Variants in SYT9 observed in about 807,000 individuals in gnomAD.
SYT9 encodes synaptotagmin-9.
SYT9 carries 22 observed loss-of-function variants against 48.4 expected under a neutral mutation model. The ratio of observed to expected loss-of-function variants is 0.45; its 90% CI spans 0.32 to 0.65. The LOEUF (loss-of-function observed/expected upper bound fraction) is 0.65. SYT9 is among the 30% of genes least tolerant of loss of function. The pLI is 0.03. For missense variants in SYT9, 577 were observed against 622.0 expected (o/e 0.93, Z 0.77); for synonymous variants, 265 against 245.0 (o/e 1.08, Z -0.76).
At chr11:7,464,024 G>T (rs1300979255) in intron 6 of SYT9, among the ~76,000 whole-genome samples, 1 of 152,174 alleles carries the variant, frequency 6.6e-6, no homozygotes, top group Non-Finnish European at 1.5e-5. Context: ...GCAGGCTTTA[G>T]ACAGGCCATA....
intron 1 of SYT9, among the ~76,000 whole-genome samples, chr11:7,257,546 C>A (rs1433745180): frequency 6.6e-6 from 1 of 151,984 alleles, no homozygotes; most frequent in African/African-American, 2.4e-5. Context: ...TGAAAAAAAT[C>A]TCCAAAATAA....
chr11:7,260,488 A>C (rs1309900723), intron 1 of SYT9, among the ~76,000 whole-genome samples: 1 of 152,232 alleles, frequency 6.6e-6, no homozygotes, highest in Non-Finnish European at 1.5e-5. Context: ...TGGTCAAATC[A>C]GATCACGAAA....
At chr11:7,308,888 C>T (rs1466927255) in intron 2 of SYT9, among the ~76,000 whole-genome samples, 1 of 152,152 alleles carries the variant, frequency 6.6e-6, no homozygotes, top group Non-Finnish European at 1.5e-5. Context: ...AGTTTAGGGA[C>T]TAACCTAGAG....
chr11:7,449,623 AG>A (rs1258208470), intron 6 of SYT9, among the ~76,000 whole-genome samples: 5 of 152,244 alleles, frequency 3.3e-5, no homozygotes, highest in African/African-American at 1.2e-4. Context: ...ATATGATGAC[AG>A]TAGGGACAAG....
Position 7,386,896 on chromosome 11 carries a change from T to G in SYT9, c.1045-29146T>G, listed in dbSNP as rs567978628. On this transcript the variant is annotated intron_variant, in intron 3 of 6. Transcript: ENST00000318881. ...CACAATAGCAAAGACTTGGAACCAATCCACATGTCCAACAATGATAGACTG... is the reference window on the plus strand; with the variant it reads ...CACAATAGCAAAGACTTGGAACCAAGCCACATGTCCAACAATGATAGACTG... Among the ~76,000 whole-genome samples, 202 of 152,150 alleles carry G rather than the reference T, an allele frequency of 1.3e-3. 2 individuals carry two copies. Among genetic ancestry groups the G allele is most frequent in the African/African-American group, 4.7e-3 (197 of 41,520 alleles).
chr11:7,264,670 G>A (rs1848143235), intron 1 of SYT9, among the ~76,000 whole-genome samples: 1 of 152,066 alleles, frequency 6.6e-6, no homozygotes, highest in Non-Finnish European at 1.5e-5. Flanking sequence ...TGGAGGAGCT[G>A]CAACTGTTGA....
chr11:7,344,376 T>C (rs1195156194), intron 3 of SYT9, among the ~76,000 whole-genome samples: 6 of 151,412 alleles, frequency 4.0e-5, no homozygotes. Context: ...CACTTTCTTT[T>C]GAAAGAGAGA....
At chr11:7,327,912 G>C (rs1849458570) in intron 3 of SYT9, among the ~76,000 whole-genome samples, 1 of 95,108 alleles carries the variant, frequency 1.1e-5, no homozygotes, top group African/African-American at 4.0e-5. Context: ...TCACACTCTG[G>C]GGACTGTGGT....
chr11:7,353,820 A>AGTATAT (rs1265856256), intron 3 of SYT9, among the ~76,000 whole-genome samples: 1 of 152,214 alleles, frequency 6.6e-6, no homozygotes, highest in Non-Finnish European at 1.5e-5. Context: ...ACTGACTGCC[A>AGTATAT]GTATATGTAT....
chr11:7,426,934 A>T (rs1001961491), intron 6 of SYT9, among the ~76,000 whole-genome samples: 1 of 152,166 alleles, frequency 6.6e-6, no homozygotes, highest in Admixed American at 6.5e-5. Context: ...ATGAAATAAG[A>T]TACTTATTTC....
At chr11:7,430,161 T>C (rs1847542286) in intron 6 of SYT9, among the ~76,000 whole-genome samples, 1 of 152,266 alleles carries the variant, frequency 6.6e-6, no homozygotes. Context: ...TATCTATTTT[T>C]ATGTAAAACT....
intron 1 of SYT9, among the ~76,000 whole-genome samples, chr11:7,243,902 C>T (rs1053048441): frequency 4.6e-5 from 7 of 152,002 alleles, no homozygotes; most frequent in East Asian, 1.9e-4. Context: ...GGATGAGAGT[C>T]GTCAGCCACT....
chr11:7,238,821 C>T (rs1351905687), exon 1 of SYT9: 1 of 455,642 alleles, frequency 2.2e-6, no homozygotes, highest in East Asian at 6.9e-5. Context: ...CCTGAGACTT[C>T]AATTTGGGAA....
intron 6 of SYT9, among the ~76,000 whole-genome samples, chr11:7,424,884 C>G (rs1212036190): frequency 6.6e-6 from 1 of 152,194 alleles, no homozygotes; most frequent in African/African-American, 2.4e-5. Context: ...TGCCCCTCTT[C>G]AACTCAGAAT....
rs189435413 is a variant in SYT9, at chr11:7,464,948, C to T, written c.1468-1844C>T. Reference sequence around the variant, plus strand: ...ATACAAAAAAAAAAAATTAGCCGGGCGTGGTGGCGGGCGCCTGTAGTCCCA... The same window carrying T: ...ATACAAAAAAAAAAAATTAGCCGGGTGTGGTGGCGGGCGCCTGTAGTCCCA... On this transcript the variant is annotated intron_variant, in intron 6 of 6. Coordinates refer to ENST00000318881, the MANE Select transcript of SYT9 (RefSeq NM_175733.4). 3.8e-3 allele frequency among the ~76,000 whole-genome samples: 580 copies of T among 151,736 alleles called. 7 individuals are homozygous for T. The highest frequency in any genetic ancestry group is 1.6e-3 in the East Asian group (8 of 5,160).
intron 2 of SYT9, among the ~76,000 whole-genome samples, chr11:7,311,977 G>A (rs1481549928): frequency 6.7e-6 from 1 of 149,728 alleles, no homozygotes; most frequent in Non-Finnish European, 1.5e-5. Flanking sequence ...AACCTTAAGA[G>A]TGTGGATTTC....
intron 3 of SYT9, among the ~76,000 whole-genome samples, chr11:7,344,703 A>G (rs1564870219): frequency 1.3e-5 from 2 of 152,176 alleles, no homozygotes. Flanking sequence ...TGCACCTTTG[A>G]AGAAAATAAT....
chr11:7,409,347 C>T (rs1847088224), intron 3 of SYT9, among the ~76,000 whole-genome samples: 1 of 151,790 alleles, frequency 6.6e-6, no homozygotes, highest in South Asian at 2.1e-4. Flanking sequence ...TTGTTGTGTC[C>T]TTGTCAGGTT....
chr11:7,436,255 A>C (rs1033305287), intron 6 of SYT9, among the ~76,000 whole-genome samples: 1 of 152,188 alleles, frequency 6.6e-6, no homozygotes, highest in African/African-American at 2.4e-5. Flanking sequence ...GTAGGATAGT[A>C]GGTTACCTAT....
Sources: allele counts gnomAD v4.1 joint callset (sites outside exome capture counted in the v4.1 genomes callset), GRCh38; gene constraint gnomAD v4.1.1; transcripts MANE v1.5; gene names NCBI Gene and HGNC (gene_info 2026-07-23, HGNC 2026-07-21).